TBC1D9: variants seen among roughly 807,000 people sequenced by gnomAD.
TBC1D9 encodes the protein TBC1 domain family member 9A.
A neutral mutation model predicts 132.0 loss-of-function variants in TBC1D9; 63 were observed. The observed-to-expected ratio is 0.48, with a 90% CI of 0.39 to 0.59. The LOEUF is 0.59. Ranked by LOEUF, TBC1D9 falls within the 20% of genes least tolerant of loss-of-function variation. The pLI, the probability that TBC1D9 is intolerant of heterozygous loss-of-function variation, is 0.00. For synonymous variants in TBC1D9, 610 were observed against 609.9 expected (o/e 1.00, Z 0.00); for missense variants, 1,261 against 1,592.7 (o/e 0.79, Z 3.54).
chr4:140,726,763 A>T (rs923001865), intron 1 of TBC1D9, among the ~76,000 whole-genome samples: 98 of 152,326 alleles, frequency 6.4e-4, no homozygotes, highest in African/African-American at 2.2e-3. Context: ...ACATGGCCCA[A>T]GTTCTCCTGA....
chr4:140,655,655 T>C (rs957182520), intron 13 of TBC1D9, among the ~76,000 whole-genome samples: 4 of 152,142 alleles, frequency 2.6e-5, no homozygotes, highest in African/African-American at 9.7e-5. Context: ...AGGGGGAAAG[T>C]GGCACTGTGG....
chr4:140,654,329 G>A (rs375537766), intron 13 of TBC1D9, among the ~76,000 whole-genome samples: 1 of 152,326 alleles, frequency 6.6e-6, no homozygotes, highest in South Asian at 2.1e-4. Flanking sequence ...GAAAGGGGAA[G>A]GGGGTGTCTG....
At position 140,621,381 on chromosome 4, in the gene TBC1D9, A is replaced by C. The variant is rs1337903944; in HGVS notation, c.*814T>G. ...CTTTTACTCTTTCAAAAACAAAAGC[A>C]AAGCAAAAGCAAAAACCTGTCATGA... On this transcript the variant is annotated 3_prime_UTR_variant, in exon 21 of 21. Transcript: ENST00000442267. 1 of 152,256 alleles carries C rather than the reference A, an allele frequency of 6.6e-6. No homozygotes were observed. The highest frequency in any genetic ancestry group is 6.5e-5 in the Admixed American group (1 of 15,290). 9.4% of individuals were successfully genotyped at this position (152,256 alleles called of 1,614,324 possible).
At chr4:140,749,347 T>G (rs1738887168) in intron 1 of TBC1D9, among the ~76,000 whole-genome samples, 1 of 151,928 alleles carries the variant, frequency 6.6e-6, no homozygotes, top group African/African-American at 2.4e-5. Flanking sequence ...TCTCAAAAAG[T>G]GTAACTTAAA....
chr4:140,694,706 G>A (rs1207095446), intron 2 of TBC1D9, among the ~76,000 whole-genome samples: 1 of 148,174 alleles, frequency 6.7e-6, no homozygotes, highest in Admixed American at 6.7e-5. Context: ...TATATATACT[G>A]TAAATATATA....
chr4:140,701,574 G>C lies in TBC1D9; in HGVS notation c.171C>G (p.Ser57Arg). 6.2e-7 allele frequency: 1 copy of C among 1,613,930 alleles called. No individual in the cohort carries two copies. The highest frequency in any genetic ancestry group is 8.5e-7 in the Non-Finnish European group (1 of 1,179,856). ...VGTLDVVLDS[S>R]ARVAPYRILY... ...AGATTCGGTAAGGAGCGACCCGGGC[G>C]CTGGAGTCCAACACAACATCAAGGG... Residue 57 changes from serine to arginine, a missense_variant, in exon 2 of 21, where the codon AGC becomes AGG. Around this residue, in one of 3 missense-constraint regions of TBC1D9, gnomAD observed 550 missense variants for 699.0 expected, o/e 0.79. Coordinates refer to ENST00000442267, the MANE Select transcript of TBC1D9 (RefSeq NM_015130.3).
intron 1 of TBC1D9, among the ~76,000 whole-genome samples, chr4:140,718,703 G>A (rs1738377125): frequency 6.6e-6 from 1 of 152,134 alleles, no homozygotes; most frequent in South Asian, 2.1e-4. Flanking sequence ...AAAACATTTA[G>A]ATGTTTGTTC....
chr4:140,749,212 A>C (rs1205453268), intron 1 of TBC1D9, among the ~76,000 whole-genome samples: 2 of 152,030 alleles, frequency 1.3e-5, no homozygotes, highest in East Asian at 3.9e-4. Context: ...CTTTAAAAAA[A>C]TAAAAGGTAA....
rs757689123 is a variant in TBC1D9, at chr4:140,622,941, C to T, written c.3079-24G>A. 5 of 1,489,312 alleles carry T rather than the reference C, an allele frequency of 3.4e-6. No individual in the cohort carries two copies. The Admixed American group carries it at 6.6e-5, about 20-fold the overall frequency. The allele number at this position is 1,489,312 out of a possible 1,614,324, so 92.3% of individuals were successfully genotyped here. Reference sequence around the variant, plus strand: ...CCCTGAAAAGCGATTTGGAAAAACACAATGTGAAATCTTGGGGGAGCAGAA... The same window carrying T: ...CCCTGAAAAGCGATTTGGAAAAACATAATGTGAAATCTTGGGGGAGCAGAA... On this transcript the variant is annotated intron_variant, in intron 20 of 20. Transcript: ENST00000442267.
intron 9 of TBC1D9, among the ~76,000 whole-genome samples, chr4:140,667,940 G>T (rs1024666610): frequency 6.6e-6 from 1 of 151,946 alleles, no homozygotes; most frequent in South Asian, 2.1e-4. Flanking sequence ...CCTGTGAGTC[G>T]TAATTATTAA....
intron 1 of TBC1D9, among the ~76,000 whole-genome samples, chr4:140,705,897 A>T (rs917540181): frequency 6.6e-6 from 1 of 151,942 alleles, no homozygotes; most frequent in African/African-American, 2.4e-5. Flanking sequence ...CCTCAAAATA[A>T]CTCTTCTCTG....
intron 1 of TBC1D9, among the ~76,000 whole-genome samples, chr4:140,721,814 G>C (rs989610900): frequency 6.6e-6 from 1 of 152,074 alleles, no homozygotes; most frequent in East Asian, 1.9e-4. Flanking sequence ...GTCTAGAATT[G>C]TTCTCCTGTG....
Position 140,676,924 on chromosome 4 carries a change from G to A in TBC1D9, c.1029C>T (p.Asn343=). The A allele has an allele frequency of 6.2e-7, 1 of 1,613,918 alleles. No individual in the cohort carries two copies. The change falls in exon 6 of 21, where the codon AAC becomes AAT. Residue 343 remains asparagine, a synonymous_variant. Coordinates refer to ENST00000442267, the MANE Select transcript of TBC1D9 (RefSeq NM_015130.3). ...GGAGCGGGATAATGAGGCTACATAA[G>A]TTCTCCTCCTTGCTGGTAAAACAGA... ...NYICFTSKEE[N]LCSLIIPLRE...
chr4:140,752,582 G>C (rs1386736544), intron 1 of TBC1D9, among the ~76,000 whole-genome samples: 3 of 151,838 alleles, frequency 2.0e-5, no homozygotes, highest in Admixed American at 2.0e-4. Context: ...GGTGTTGGTT[G>C]CCAAGTGTTC....
chr4:140,738,981 T>A (rs1738718216), intron 1 of TBC1D9, among the ~76,000 whole-genome samples: 1 of 152,168 alleles, frequency 6.6e-6, no homozygotes, highest in Non-Finnish European at 1.5e-5. Flanking sequence ...ACTAGCTCCC[T>A]CATTTCCACA....
At chr4:140,699,297 AGAAAAATCC>A (rs561610897) in intron 2 of TBC1D9, among the ~76,000 whole-genome samples, 13 of 152,330 alleles carry the variant, frequency 8.5e-5, no homozygotes, top group African/African-American at 3.1e-4. Context: ...CCTAAAGGAG[AGAAAAATCC>A]CTACTCCTTA....
In TBC1D9 at chr4:140,751,744, A is replaced by G. The variant is rs192430311; in HGVS notation, c.130+4172T>C. On this transcript the variant is annotated intron_variant, in intron 1 of 20. Transcript: ENST00000442267. ...TTTTAAATTTCTACAAGTTAGTAAG[A>G]AAAAAGACAATCCGGTTGAAAAATG... Among the ~76,000 whole-genome samples, 71 of 152,350 alleles carry G rather than the reference A, an allele frequency of 4.7e-4. No homozygotes were observed. The East Asian group carries it at 0.013, about 28-fold the overall frequency.
At chr4:140,680,234 C>A (rs1737683234) in intron 3 of TBC1D9, among the ~76,000 whole-genome samples, 1 of 152,106 alleles carries the variant, frequency 6.6e-6, no homozygotes, top group Admixed American at 6.5e-5. Flanking sequence ...ATGAATGAGC[C>A]AGTGAGGAAA....
In TBC1D9 at chr4:140,701,573, C is replaced by T. The variant is rs560873862; in HGVS notation, c.172G>A (p.Ala58Thr). 1.3e-5 allele frequency: 21 copies of T among 1,613,902 alleles called. No homozygotes were observed. The highest frequency in any genetic ancestry group is 4.5e-5 in the East Asian group (2 of 44,878). ...GTLDVVLDSS[A>T]RVAPYRILYQ... ...AAGATTCGGTAAGGAGCGACCCGGG[C>T]GCTGGAGTCCAACACAACATCAAGG... Residue 58 changes from alanine to threonine, a missense_variant, in exon 2 of 21, where the codon GCC becomes ACC. Coordinates refer to ENST00000442267, the MANE Select transcript of TBC1D9 (RefSeq NM_015130.3).
Sources: gnomAD v4.1 joint callset for allele counts (sites outside exome capture counted in the v4.1 genomes callset) on GRCh38, gnomAD v4.1.1 for gene constraint, gnomAD v4.1.1 regional missense constraint, MANE v1.5 for transcripts, NCBI Gene and HGNC (gene_info 2026-07-23, HGNC 2026-07-21) for gene names.